The following PPIL4 variants were observed in gnomAD, a reference collection of about 807,000 sequenced individuals.
PPIL4 encodes peptidylprolyl isomerase like 4.
In PPIL4, 50 loss-of-function variants were observed where a neutral mutation model predicts 69.1. The observed-to-expected ratio is 0.72, with a 90% CI of 0.58 to 0.92. The LOEUF is 0.92. PPIL4 is among the 40% of genes least tolerant of loss of function. The pLI is 0.00. For synonymous variants in PPIL4, 193 were observed against 191.6 expected (o/e 1.01, Z -0.06); for missense variants, 480 against 587.9 (o/e 0.82, Z 1.90).
chr6:149,544,445 G>A (rs1777409685), intron 1 of PPIL4, among the ~76,000 whole-genome samples: 1 of 152,138 alleles, frequency 6.6e-6, no homozygotes, highest in African/African-American at 2.4e-5. Flanking sequence ...CATTGTACTG[G>A]GTACTCAGGA....
intron 6 of PPIL4, 118 bp from the exon 7 acceptor site, chr6:149,533,692 T>C: frequency 1.7e-6 from 1 of 596,520 alleles, no homozygotes; most frequent in Non-Finnish European, 2.9e-6. Flanking sequence ...CTGATCAAGG[T>C]TGCAGTGAGC....
intron 7 of PPIL4, among the ~76,000 whole-genome samples, chr6:149,527,484 A>G (rs932987961): frequency 6.6e-6 from 1 of 152,252 alleles, no homozygotes; most frequent in Admixed American, 6.5e-5. Context: ...TCAAAGACCA[A>G]TTTTACCCCT....
chr6:149,529,533 C>T (rs1000287239), intron 7 of PPIL4, among the ~76,000 whole-genome samples: 15 of 151,900 alleles, frequency 9.9e-5, no homozygotes, highest in Middle Eastern at 3.4e-3. Flanking sequence ...GAGGCTGAGG[C>T]GCGCAGATCA....
At chr6:149,508,994 T>C (rs1448161477) in intron 12 of PPIL4, among the ~76,000 whole-genome samples, 1 of 151,958 alleles carries the variant, frequency 6.6e-6, no homozygotes, top group African/African-American at 2.4e-5. Flanking sequence ...AAAAACAAAA[T>C]AATAAAAAAT....
chr6:149,505,678 A>G lies in PPIL4; in HGVS notation c.1254T>C (p.Gly418=), dbSNP rs769310601. 6.2e-7 allele frequency: 1 copy of G among 1,613,726 alleles called. No individual in the cohort carries two copies. The highest frequency in any genetic ancestry group is 8.5e-7 in the Non-Finnish European group (1 of 1,179,710). The change falls in exon 13 of 13, where the codon GGT becomes GGC. Residue 418 remains glycine (G), a synonymous_variant. Coordinates refer to ENST00000253329, the MANE Select transcript of PPIL4 (RefSeq NM_139126.4). ...AACAGCTTTCTTCTTCTTCATAGTG[A>G]CCAAACCCCATTTCTCTATAGATAT... is the stretch of plus-strand genomic sequence containing the variant. The part of the protein sequence containing the change: ...NQDIYREMGF[G]HYEEEESCWE...
chr6:149,514,994 G>A (rs1183029936), intron 11 of PPIL4, among the ~76,000 whole-genome samples: 3 of 151,660 alleles, frequency 2.0e-5, no homozygotes, highest in Admixed American at 1.3e-4. Flanking sequence ...CCGCCACCAC[G>A]CCTGGCTAAT....
intron 7 of PPIL4, among the ~76,000 whole-genome samples, chr6:149,530,616 G>A (rs1201881972): frequency 2.0e-5 from 3 of 149,120 alleles, no homozygotes; most frequent in African/African-American, 5.0e-5. Flanking sequence ...CCAAGATTGC[G>A]CCATTGCTCT....
Position 149,521,057 on chromosome 6 carries a change from T to C in PPIL4, c.982+3A>G, listed in dbSNP as rs1405353990. 1.4e-6 allele frequency: 2 copies of C among 1,419,580 alleles called. No individual in the cohort carries two copies. The highest frequency in any genetic ancestry group is 2.0e-6 in the Non-Finnish European group (2 of 1,015,562). The allele number at this position is 1,419,580 out of a possible 1,614,324, so 87.9% of individuals were successfully genotyped here. A position where few individuals can be genotyped will look rare whatever the true frequency, so the allele number is the denominator to read the frequency against. Reference sequence around the variant, plus strand: ...AACAAAAACAAAAGATAAACCATCATACCTTTTCCTTTCCATTTAACCTTT... The same window carrying C: ...AACAAAAACAAAAGATAAACCATCACACCTTTTCCTTTCCATTTAACCTTT... On this transcript the variant is annotated splice_donor_region_variant and intron_variant, in intron 10 of 12. Transcript: ENST00000253329.
At chr6:149,526,538 T>G (rs951893610) in intron 8 of PPIL4, 114 bp downstream of exon 8, 1 of 932,800 alleles carries the variant, frequency 1.1e-6, no homozygotes, top group Non-Finnish European at 1.6e-6. Context: ...CTGTAAAAAT[T>G]CACCAGTACA....
Position 149,526,751 on chromosome 6 carries a change from A to G in PPIL4, c.704T>C (p.Ile235Thr). 1 of 1,613,130 alleles carries G rather than the reference A, an allele frequency of 6.2e-7. No homozygotes were observed. Among genetic ancestry groups the G allele is most frequent in the Non-Finnish European group, 8.5e-7 (1 of 1,179,424 alleles). Reference sequence around the variant, plus strand: ...AAACAGTACATTTTCTGGAGGTTTAATATCTGCATCAGGTAGGTCTCCCAC... The same window carrying G: ...AAACAGTACATTTTCTGGAGGTTTAGTATCTGCATCAGGTAGGTCTCCCAC... ...EMVGDLPDADIKPPENVLFVC... is the reference protein window; with the variant it reads ...EMVGDLPDADTKPPENVLFVC... Residue 235 changes from isoleucine (I) to threonine (T), a missense_variant, in exon 8 of 13, where the codon ATT (isoleucine) becomes ACT (threonine). Coordinates refer to ENST00000253329, the MANE Select transcript of PPIL4 (RefSeq NM_139126.4).
chr6:149,518,925 G>C (rs1776986244), intron 10 of PPIL4, among the ~76,000 whole-genome samples: 1 of 152,106 alleles, frequency 6.6e-6, no homozygotes, highest in South Asian at 2.1e-4. Context: ...GACTATAAAG[G>C]AAAGTTCTTA....
At position 149,546,036 on chromosome 6, in the gene PPIL4, G is replaced by T; in HGVS notation, c.-31C>A. The stretch of plus-strand genomic sequence containing the variant: ...CCGCTCCTCCTCCGCTACAAACCCC[G>T]GGAGGAGGGGGGTGACAGGCGCAGG... On this transcript the variant is annotated 5_prime_UTR_variant, in exon 1 of 13. Coordinates refer to ENST00000253329, the MANE Select transcript of PPIL4 (RefSeq NM_139126.4). 1 of 1,551,000 alleles carries T rather than the reference G, an allele frequency of 6.4e-7. No homozygotes were observed. The highest frequency in any genetic ancestry group is 8.7e-7 in the Non-Finnish European group (1 of 1,143,992).
At chr6:149,531,859 G>A (rs1269035858) in intron 7 of PPIL4, among the ~76,000 whole-genome samples, 6 of 152,038 alleles carry the variant, frequency 3.9e-5, no homozygotes, top group South Asian at 2.1e-4. Context: ...TAGTAGAGAC[G>A]GAGTTTCACC....
chr6:149,538,110 C>T (rs1234442059), intron 4 of PPIL4, among the ~76,000 whole-genome samples: 1 of 151,882 alleles, frequency 6.6e-6, no homozygotes, highest in African/African-American at 2.4e-5. Context: ...ACTATAAATA[C>T]AAAAAATCAG....
intron 4 of PPIL4, among the ~76,000 whole-genome samples, chr6:149,538,868 A>G (rs1335859734): frequency 6.6e-6 from 1 of 150,524 alleles, no homozygotes; most frequent in Non-Finnish European, 1.5e-5. Flanking sequence ...TTTTTGTTTG[A>G]GACAGTCTTG....
At chr6:149,542,778 G>A (rs1777382757) in intron 1 of PPIL4, among the ~76,000 whole-genome samples, 1 of 152,096 alleles carries the variant, frequency 6.6e-6, no homozygotes, top group African/African-American at 2.4e-5. Flanking sequence ...TGAAGGGTGA[G>A]CATTTTAGGT....
At chr6:149,542,712 T>C (rs1027143992) in intron 1 of PPIL4, among the ~76,000 whole-genome samples, 2 of 152,148 alleles carry the variant, frequency 1.3e-5, no homozygotes, top group South Asian at 2.1e-4. Flanking sequence ...CTAGGGAAAT[T>C]AGAAAACCTC....
intron 8 of PPIL4, 66 bp downstream of exon 8, chr6:149,526,586 C>T (rs1220336194): frequency 5.5e-6 from 8 of 1,442,930 alleles, no homozygotes; most frequent in Non-Finnish European, 7.6e-6. Flanking sequence ...CAAAATATGT[C>T]ATTAGAAAAC....
chr6:149,545,382 C>T (rs562056793), intron 1 of PPIL4, among the ~76,000 whole-genome samples: 2 of 152,242 alleles, frequency 1.3e-5, no homozygotes, highest in African/African-American at 4.8e-5. Context: ...TGTCTACTTC[C>T]CCCAGTGGAA....
Sources: gnomAD v4.1 joint callset for allele counts (sites outside exome capture counted in the v4.1 genomes callset) on GRCh38, gnomAD v4.1.1 for gene constraint, MANE v1.5 for transcripts, NCBI Gene and HGNC (gene_info 2026-07-23, HGNC 2026-07-21) for gene names.